GRM8: variants seen among roughly 807,000 people sequenced by gnomAD.
GRM8 encodes the protein metabotropic glutamate receptor 8.
GRM8 carries 47 observed loss-of-function variants against 87.2 expected under a neutral mutation model. That is an observed-to-expected ratio of 0.54 (90% CI 0.43 to 0.69). The LOEUF (loss-of-function observed/expected upper bound fraction) is 0.69, where lower values mean the gene tolerates loss of function less well. Among genes scored for constraint, GRM8 ranks in the 30% least tolerant of loss-of-function variants. The pLI, the probability that GRM8 is intolerant of heterozygous loss-of-function variation, is 0.00. For missense variants in GRM8, 1,019 were observed against 1,139.2 expected (o/e 0.89, Z 1.52); for synonymous variants, 396 against 404.5 (o/e 0.98, Z 0.25).
At chr7:126,879,701 T>C (rs1799856850) in intron 6 of GRM8, among the ~76,000 whole-genome samples, 1 of 152,194 alleles carries the variant, frequency 6.6e-6, no homozygotes, top group African/African-American at 2.4e-5. Context: ...GAAGAAAAAG[T>C]TATACTGTAT....
At chr7:126,742,123 G>A (rs1815078997) in intron 7 of GRM8, among the ~76,000 whole-genome samples, 1 of 151,346 alleles carries the variant, frequency 6.6e-6, no homozygotes, top group Admixed American at 6.6e-5. Flanking sequence ...TCTGCATTTG[G>A]GTGAAAAAAA....
chr7:126,596,557 T>C (rs1329590091), intron 8 of GRM8, among the ~76,000 whole-genome samples: 1 of 152,174 alleles, frequency 6.6e-6, no homozygotes, highest in Non-Finnish European at 1.5e-5. Context: ...ACATTAGTGG[T>C]TGTCAGGCAT....
intron 2 of GRM8, among the ~76,000 whole-genome samples, chr7:127,162,292 C>G (rs1793165148): frequency 6.6e-6 from 1 of 152,208 alleles, no homozygotes; most frequent in Non-Finnish European, 1.5e-5. Flanking sequence ...TTCCTCAGCT[C>G]TAACAAGAAG....
At chr7:126,908,007 G>A (rs1177145614) in intron 3 of GRM8, among the ~76,000 whole-genome samples, 1 of 152,172 alleles carries the variant, frequency 6.6e-6, no homozygotes, top group East Asian at 1.9e-4. Flanking sequence ...TTATGTGATG[G>A]TATCATTAAA....
intron 2 of GRM8, among the ~76,000 whole-genome samples, chr7:127,139,935 T>G (rs1392341920): frequency 6.6e-6 from 1 of 152,086 alleles, no homozygotes; most frequent in Non-Finnish European, 1.5e-5. Flanking sequence ...AAGCACAGGT[T>G]CCCTCACAGG....
chr7:126,670,614 A>C (rs1427698512), intron 7 of GRM8, among the ~76,000 whole-genome samples: 3 of 152,204 alleles, frequency 2.0e-5, no homozygotes, highest in Non-Finnish European at 2.9e-5. Flanking sequence ...TTTAACAGGT[A>C]CTTTCAAATA....
At chr7:126,960,883 T>C (rs753797688) in intron 3 of GRM8, among the ~76,000 whole-genome samples, 73 of 152,174 alleles carry the variant, frequency 4.8e-4, no homozygotes, top group Non-Finnish European at 7.2e-4. Context: ...CCTTGCTAAA[T>C]GGTTTAGCAA....
intron 9 of GRM8, among the ~76,000 whole-genome samples, chr7:126,476,316 C>A (rs554018655): frequency 6.6e-6 from 1 of 152,156 alleles, no homozygotes; most frequent in East Asian, 1.9e-4. Flanking sequence ...AGCTAAGAGG[C>A]TGAGGTAGGC....
At position 126,991,705 on chromosome 7, in the gene GRM8, C is replaced by T. The variant is rs556776967; in HGVS notation, c.728-87022G>A. ...ATTATGCAAAACATTTAACTGTGAA[C>T]TTCTACTAAAGCAAAAATGGAAACA... On this transcript the variant is annotated intron_variant, in intron 3 of 10. Transcript: ENST00000339582. Among the ~76,000 whole-genome samples, 4 of 152,148 alleles carry T rather than the reference C, an allele frequency of 2.6e-5. No homozygotes were observed. In the South Asian group the frequency reaches 8.3e-4, roughly 32 times the overall value.
chr7:127,136,970 A>G (rs1284118171), intron 2 of GRM8, among the ~76,000 whole-genome samples: 1 of 152,120 alleles, frequency 6.6e-6, no homozygotes, highest in Non-Finnish European at 1.5e-5. Context: ...GAATAATTGC[A>G]TATTAGCTTG....
intron 2 of GRM8, among the ~76,000 whole-genome samples, chr7:127,220,587 T>C (rs1796857621): frequency 6.6e-6 from 1 of 152,076 alleles, no homozygotes; most frequent in African/African-American, 2.4e-5. Context: ...CAGGCCCAAA[T>C]GATCCTCCCA....
intron 6 of GRM8, among the ~76,000 whole-genome samples, chr7:126,808,952 A>T (rs1251233837): frequency 3.3e-5 from 5 of 152,192 alleles, no homozygotes; most frequent in Admixed American, 3.3e-4. Flanking sequence ...AACAACACAT[A>T]TTTATTATTT....
At chr7:127,072,659 C>A (rs10233335) in intron 3 of GRM8, among the ~76,000 whole-genome samples, 1 of 148,594 alleles carries the variant, frequency 6.7e-6, no homozygotes. Flanking sequence ...CAGCATCTGG[C>A]TCAACACACA....
At chr7:126,900,224 G>T (rs1801936674) in intron 6 of GRM8, among the ~76,000 whole-genome samples, 1 of 152,074 alleles carries the variant, frequency 6.6e-6, no homozygotes. Flanking sequence ...CAGTTTCATG[G>T]GGCTATCTCA....
At chr7:127,134,834 A>G (rs1160386341) in intron 2 of GRM8, among the ~76,000 whole-genome samples, 4 of 152,104 alleles carry the variant, frequency 2.6e-5, no homozygotes, top group African/African-American at 9.7e-5. Context: ...TCAAAATTTC[A>G]CCTAGCTTCC....
intron 7 of GRM8, among the ~76,000 whole-genome samples, chr7:126,661,363 T>C (rs532836815): frequency 1.1e-4 from 16 of 152,354 alleles, no homozygotes; most frequent in African/African-American, 1.7e-4. Flanking sequence ...ATGATCTTTA[T>C]TGAATTTGAA....
chr7:127,233,005 T>C (rs1797780658), intron 2 of GRM8, among the ~76,000 whole-genome samples: 2 of 152,060 alleles, frequency 1.3e-5, no homozygotes, highest in South Asian at 2.1e-4. Context: ...GCCCAGCTAA[T>C]TTTGTATTTA....
intron 9 of GRM8, among the ~76,000 whole-genome samples, chr7:126,520,705 G>A (rs1308580362): frequency 6.6e-6 from 1 of 151,980 alleles, no homozygotes; most frequent in Non-Finnish European, 1.5e-5. Context: ...CTATGCCTGC[G>A]CTATACATAA....
chr7:126,501,614 T>A (rs930440888), intron 9 of GRM8, among the ~76,000 whole-genome samples: 4 of 152,110 alleles, frequency 2.6e-5, no homozygotes, highest in Admixed American at 2.6e-4. Flanking sequence ...TAAACAACAT[T>A]AAATAAGAGC....
Sources: gnomAD v4.1 joint callset for allele counts (sites outside exome capture counted in the v4.1 genomes callset) on GRCh38, gnomAD v4.1.1 for gene constraint, MANE v1.5 for transcripts, NCBI Gene and HGNC (gene_info 2026-07-23, HGNC 2026-07-21) for gene names.